Variants in BTBD16 observed in about 807,000 individuals in gnomAD.
BTBD16 encodes the protein BTB/POZ domain-containing protein 16.
In BTBD16, 66 loss-of-function variants were observed where a neutral mutation model predicts 67.4. That is an observed-to-expected ratio of 0.98 (90% CI 0.80 to 1.20). The LOEUF (loss-of-function observed/expected upper bound fraction) is 1.20, where lower values mean the gene tolerates loss of function less well. Ranked by LOEUF, BTBD16 falls within the 50% of genes most tolerant of loss-of-function variation. The probability of loss-of-function intolerance (pLI) is 0.00; values close to 1 mark genes in which losing one functional copy is unlikely to be tolerated. For missense variants in BTBD16, 634 were observed against 616.0 expected (o/e 1.03, Z -0.31); for synonymous variants, 242 against 236.4 (o/e 1.02, Z -0.22).
At chr10:122,285,023 C>T (rs2096360892) in intron 4 of BTBD16, among the ~76,000 whole-genome samples, 1 of 152,104 alleles carries the variant, frequency 6.6e-6, no homozygotes, top group Non-Finnish European at 1.5e-5. Context: ...AGATGCAAAC[C>T]CCCCGGAACC....
chr10:122,324,652 G>A (rs1296792303), intron 10 of BTBD16, among the ~76,000 whole-genome samples: 1 of 152,188 alleles, frequency 6.6e-6, no homozygotes, highest in Non-Finnish European at 1.5e-5. Flanking sequence ...TCTGGGTCAA[G>A]AGGATTTCTC....
intron 10 of BTBD16, among the ~76,000 whole-genome samples, chr10:122,316,583 G>T (rs2096424905): frequency 6.6e-6 from 1 of 152,052 alleles, no homozygotes; most frequent in African/African-American, 2.4e-5. Context: ...GCATGTTCCT[G>T]TACTGAATAT....
intron 15 of BTBD16, 99 bp downstream of exon 15, chr10:122,336,781 T>A: frequency 9.3e-7 from 1 of 1,073,514 alleles, no homozygotes; most frequent in Non-Finnish European, 1.3e-6. Context: ...TGCTCTACAC[T>A]GAAGATCCCT....
chr10:122,276,627 G>A (rs190756201), intron 2 of BTBD16, 164 bp from the exon 3 acceptor site: 7 of 444,250 alleles, frequency 1.6e-5, no homozygotes, highest in African/African-American at 4.3e-5. Flanking sequence ...GGAATACAGT[G>A]TCTTTGCCTT....
intron 10 of BTBD16, 96 bp downstream of exon 10, chr10:122,307,404 T>A: frequency 7.7e-7 from 1 of 1,306,502 alleles, no homozygotes; most frequent in African/African-American, 1.5e-5. Flanking sequence ...AGTGATATAA[T>A]TTTTCATAGC....
At chr10:122,337,700 C>T (rs921201532) in intron 15 of BTBD16, among the ~76,000 whole-genome samples, 4 of 152,172 alleles carry the variant, frequency 2.6e-5, no homozygotes, top group South Asian at 2.1e-4. Context: ...CTCCTGACCT[C>T]GTGATCCATC....
chr10:122,280,763 A>G (rs950396854), intron 3 of BTBD16, among the ~76,000 whole-genome samples: 17 of 152,244 alleles, frequency 1.1e-4, no homozygotes, highest in Middle Eastern at 6.8e-3. Flanking sequence ...TACCAGTGCC[A>G]CTGTAAACTA....
At chr10:122,297,678 G>C in intron 7 of BTBD16, 90 bp from the exon 8 acceptor site, 1 of 1,422,392 alleles carries the variant, frequency 7.0e-7, no homozygotes, top group Non-Finnish European at 9.8e-7. Context: ...GTCTGCTGCT[G>C]TCCTGGAGTT....
intron 10 of BTBD16, among the ~76,000 whole-genome samples, chr10:122,311,455 G>C (rs2096413549): frequency 6.6e-6 from 1 of 152,136 alleles, no homozygotes; most frequent in Non-Finnish European, 1.5e-5. Flanking sequence ...AAACAAATAG[G>C]CTGTCCCGAA....
intron 10 of BTBD16, among the ~76,000 whole-genome samples, chr10:122,327,737 G>A (rs1400805873): frequency 1.3e-5 from 2 of 152,232 alleles, no homozygotes; most frequent in Non-Finnish European, 2.9e-5. Context: ...TGGCTGTCCA[G>A]AGAGGCCCTG....
At chr10:122,281,674 A>G (rs559190194) in intron 3 of BTBD16, among the ~76,000 whole-genome samples, 41 of 152,282 alleles carry the variant, frequency 2.7e-4, no homozygotes, top group African/African-American at 9.9e-4. Flanking sequence ...GTTATTCCAA[A>G]CATTCACTCT....
intron 9 of BTBD16, among the ~76,000 whole-genome samples, chr10:122,299,777 C>T (rs1272427721): frequency 1.3e-5 from 2 of 152,128 alleles, no homozygotes; most frequent in Admixed American, 6.5e-5. Context: ...GCAGCCCCAG[C>T]CCAAGATCGG....
At chr10:122,306,009 T>C (rs2096403092) in intron 9 of BTBD16, among the ~76,000 whole-genome samples, 1 of 152,212 alleles carries the variant, frequency 6.6e-6, no homozygotes, top group Admixed American at 6.5e-5. Context: ...CCTAGGTTGA[T>C]TCCATGTCTT....
intron 10 of BTBD16, among the ~76,000 whole-genome samples, chr10:122,318,773 A>T (rs113565857): frequency 0.014 from 2,103 of 152,208 alleles, 37 homozygotes; most frequent in African/African-American, 0.046. Context: ...TTTAGTAGAG[A>T]CAGGGTTTTG....
At position 122,331,048 on chromosome 10, in the gene BTBD16, A is replaced by G. The variant is rs1257453552; in HGVS notation, c.1004-128A>G. The G allele has an allele frequency of 6.3e-6, 8 of 1,272,398 alleles. No individual in the cohort carries two copies. In the Admixed American group the frequency reaches 2.4e-4, roughly 37 times the overall value. 78.8% of individuals were successfully genotyped at this position (1,272,398 alleles called of 1,614,324 possible). On this transcript the variant is annotated intron_variant, in intron 11 of 15. Transcript: ENST00000260723. ...ATTTCCACTTTGTCAATCAAACCTT[A>G]AAGGAGACCATCCACCCCTTTCCCT...
chr10:122,338,039 G>A lies in BTBD16; in HGVS notation c.1475G>A (p.Gly492Asp), dbSNP rs767692515. ...KSHTLKIQTV[G>D]IPIYVSFAFI... Reference sequence around the variant, plus strand: ...TAGACCTTGAAAATCCAAACTGTGGGCATCCCAATCTATGTAAGTTTTGCA... The same window carrying A: ...TAGACCTTGAAAATCCAAACTGTGGACATCCCAATCTATGTAAGTTTTGCA... The change falls in exon 16 of 16, where the codon GGC becomes GAC. Residue 492 changes from glycine (G) to aspartate (D), a missense_variant. By Grantham distance (94) the Gly-to-Asp change is moderately conservative. Coordinates refer to ENST00000260723, the MANE Select transcript of BTBD16 (RefSeq NM_144587.5). The A allele has an allele frequency of 1.2e-6, 2 of 1,612,266 alleles. No homozygotes were observed. Among genetic ancestry groups the A allele is most frequent in the African/African-American group, 2.7e-5 (2 of 74,834 alleles).
intron 11 of BTBD16, among the ~76,000 whole-genome samples, chr10:122,330,886 G>T (rs151201027): frequency 6.6e-6 from 1 of 152,294 alleles, no homozygotes; most frequent in Admixed American, 6.5e-5. Flanking sequence ...GCACCACCAC[G>T]CGCAGCTAGT....
At position 122,296,594 on chromosome 10, in the gene BTBD16, G is replaced by C. The variant is rs59428246; in HGVS notation, c.591-1174G>C. On this transcript the variant is annotated intron_variant, in intron 7 of 15. Transcript: ENST00000260723. ...TACTTCAAAGCAATTTTGCTGCAGA[G>C]AGGTTAGTATTAGCTGTGAAAGTTC... Among the ~76,000 whole-genome samples the C allele has an allele frequency of 1.6e-3, 244 of 152,346 alleles. 1 individual carries two copies. Among genetic ancestry groups the C allele is most frequent in the African/African-American group, 5.6e-3 (233 of 41,572 alleles).
At chr10:122,289,869 T>G (rs1422749285) in intron 5 of BTBD16, 40 bp from the exon 6 acceptor site, 1 of 1,537,434 alleles carries the variant, frequency 6.5e-7, no homozygotes, top group Admixed American at 1.7e-5. Context: ...TTCACCACGG[T>G]TATCACATCC....
Sources: allele counts gnomAD v4.1 joint callset (sites outside exome capture counted in the v4.1 genomes callset), GRCh38; gene constraint gnomAD v4.1.1; transcripts MANE v1.5; gene names NCBI Gene and HGNC (gene_info 2026-07-23, HGNC 2026-07-21).